Variants in SYT1 observed in about 807,000 individuals in gnomAD.
SYT1 encodes synaptotagmin 1.
A neutral mutation model predicts 44.8 loss-of-function variants in SYT1; 8 were observed. That is an observed-to-expected ratio of 0.18 (90% CI 0.10 to 0.32). The LOEUF (loss-of-function observed/expected upper bound fraction) is 0.32. Among genes scored for constraint, SYT1 ranks in the 10% least tolerant of loss-of-function variants. SYT1 has a pLI of 1.00. For missense variants in SYT1, 286 were observed against 509.3 expected, an observed-to-expected ratio of 0.56 and a Z score of 4.22; for synonymous variants, 154 against 188.8, an observed-to-expected ratio of 0.82 and a Z score of 1.51.
chr12:78,885,294 A>C (rs1874671353), intron 1 of SYT1, among the ~76,000 whole-genome samples: 1 of 143,870 alleles, frequency 7.0e-6, no homozygotes. Flanking sequence ...GGAAGGAAGG[A>C]GAGAAGAAAG....
chr12:79,128,442 TAGAC>T lies in SYT1; in HGVS notation c.-18+81086_-18+81089del, dbSNP rs150706026. Among the ~76,000 whole-genome samples the T allele has an allele frequency of 3.6e-3, 550 of 152,252 alleles. 1 individual carries two copies. The highest frequency in any genetic ancestry group is 0.013 in the African/African-American group (522 of 41,548). On this transcript the variant is annotated intron_variant, in intron 3 of 10. Transcript: ENST00000261205. ...GATGATAGATAGATACATAGATAGA[TAGAC>T]AGACACGTAGATAGAAAGAACAAAT...
At chr12:79,206,763 C>T (rs532921311) in intron 3 of SYT1, among the ~76,000 whole-genome samples, 48 of 152,324 alleles carry the variant, frequency 3.2e-4, no homozygotes, top group African/African-American at 1.1e-3. Context: ...ACTAGTGACT[C>T]CACACAGTAG....
chr12:79,376,600 G>A (rs562045554), intron 9 of SYT1, among the ~76,000 whole-genome samples: 6 of 152,244 alleles, frequency 3.9e-5, no homozygotes, highest in Admixed American at 1.3e-4. Flanking sequence ...TGCCTTAGCC[G>A]TCTGGGAATG....
intron 3 of SYT1, among the ~76,000 whole-genome samples, chr12:79,202,506 T>A (rs547905078): frequency 2.0e-5 from 3 of 152,066 alleles, no homozygotes; most frequent in African/African-American, 7.2e-5. Context: ...TGTTTCTTAC[T>A]AAGAAACAAA....
intron 4 of SYT1, among the ~76,000 whole-genome samples, chr12:79,253,486 TC>T (rs1877342634): frequency 4.7e-5 from 1 of 21,138 alleles, no homozygotes; most frequent in Admixed American, 5.2e-4. Context: ...TTGCCCAGTC[TC>T]TCTCTCTCTC....
chr12:79,122,936 C>CATTT (rs1868303031), intron 3 of SYT1, among the ~76,000 whole-genome samples: 1 of 152,112 alleles, frequency 6.6e-6, no homozygotes, highest in African/African-American at 2.4e-5. Flanking sequence ...TAACATCCAT[C>CATTT]ATTTTTAAAA....
At chr12:79,070,725 G>T (rs987351052) in intron 3 of SYT1, among the ~76,000 whole-genome samples, 4 of 152,144 alleles carry the variant, frequency 2.6e-5, no homozygotes, top group South Asian at 2.1e-4. Context: ...TTACTGAAGA[G>T]GAAAGACAGC....
chr12:79,415,225 C>T (rs17005584), intron 9 of SYT1, among the ~76,000 whole-genome samples: 18,703 of 152,016 alleles, frequency 0.12, 1,196 homozygotes, highest in Non-Finnish European at 0.14. Context: ...AAGAGATAAC[C>T]AATGTTAAAG....
intron 2 of SYT1, among the ~76,000 whole-genome samples, chr12:79,036,003 C>G (rs781322862): frequency 6.6e-6 from 1 of 151,526 alleles, no homozygotes; most frequent in Non-Finnish European, 1.5e-5. Context: ...AACCATCCAG[C>G]CTTCATGGCT....
At chr12:78,885,396 G>A (rs568087207) in intron 1 of SYT1, among the ~76,000 whole-genome samples, 31 of 151,294 alleles carry the variant, frequency 2.0e-4, no homozygotes, top group Non-Finnish European at 4.4e-5. Context: ...AGGGAAGGAA[G>A]GGAGAGAGAA....
chr12:79,053,941 T>G (rs1416522508), intron 3 of SYT1, among the ~76,000 whole-genome samples: 1 of 152,044 alleles, frequency 6.6e-6, no homozygotes, highest in East Asian at 1.9e-4. Flanking sequence ...TTCCCACACA[T>G]AAGCCTAAGA....
intron 1 of SYT1, among the ~76,000 whole-genome samples, chr12:78,911,212 C>T (rs1876303179): frequency 6.6e-6 from 1 of 151,980 alleles, no homozygotes; most frequent in African/African-American, 2.4e-5. Flanking sequence ...GGGTGTTATT[C>T]ATTGAGATAG....
intron 9 of SYT1, among the ~76,000 whole-genome samples, chr12:79,409,390 T>G (rs1408551630): frequency 2.0e-5 from 3 of 152,266 alleles, no homozygotes; most frequent in East Asian, 3.9e-4. Flanking sequence ...TTTAAAGTAT[T>G]GCAGTATCAG....
At chr12:79,339,326 C>T (rs958945949) in intron 8 of SYT1, among the ~76,000 whole-genome samples, 3 of 152,208 alleles carry the variant, frequency 2.0e-5, no homozygotes, top group Admixed American at 1.3e-4. Flanking sequence ...TCCTCTCCAG[C>T]ACCTGTTGTT....
intron 1 of SYT1, among the ~76,000 whole-genome samples, chr12:78,967,058 C>T (rs1868264818): frequency 6.6e-6 from 1 of 152,158 alleles, no homozygotes; most frequent in Non-Finnish European, 1.5e-5. Flanking sequence ...ACATCTCAGT[C>T]AGCCTACCCC....
At chr12:79,009,666 A>G (rs1429184299) in intron 2 of SYT1, among the ~76,000 whole-genome samples, 1 of 152,170 alleles carries the variant, frequency 6.6e-6, no homozygotes, top group Non-Finnish European at 1.5e-5. Context: ...TAGCTGTTCA[A>G]CTAGAACTGA....
chr12:79,356,264 T>A (rs926361500), intron 9 of SYT1, among the ~76,000 whole-genome samples: 1 of 151,598 alleles, frequency 6.6e-6, no homozygotes, highest in Non-Finnish European at 1.5e-5. Flanking sequence ...GACCTCATGG[T>A]TTTAAGATCC....
In SYT1 at chr12:79,192,499, G is replaced by C. The variant is rs186179780; in HGVS notation, c.-17-25004G>C. Among the ~76,000 whole-genome samples, 255 of 152,188 alleles carry C rather than the reference G, an allele frequency of 1.7e-3. 3 individuals are homozygous for C. Among genetic ancestry groups the C allele is most frequent in the African/African-American group, 5.9e-3 (243 of 41,536 alleles). ...CTCATTACTCGGGGAATACTGATGAGGATGAAACAAGAAGTGCATCATCTA... is the reference window on the plus strand; with the variant it reads ...CTCATTACTCGGGGAATACTGATGACGATGAAACAAGAAGTGCATCATCTA... On this transcript the variant is annotated intron_variant, in intron 3 of 10. Transcript: ENST00000261205.
chr12:79,434,149 T>C (rs1869953771), intron 9 of SYT1, among the ~76,000 whole-genome samples: 1 of 152,230 alleles, frequency 6.6e-6, no homozygotes, highest in Admixed American at 6.5e-5. Flanking sequence ...TCTGCCACCA[T>C]TAATGAACTA....
Sources: gnomAD v4.1 joint callset for allele counts (sites outside exome capture counted in the v4.1 genomes callset) on GRCh38, gnomAD v4.1.1 for gene constraint, MANE v1.5 for transcripts, NCBI Gene and HGNC (gene_info 2026-07-23, HGNC 2026-07-21) for gene names.